ALLC: variants seen among roughly 807,000 people sequenced by gnomAD.
The protein encoded by ALLC is probable inactive allantoicase.
In ALLC, 40 loss-of-function variants were observed where a neutral mutation model predicts 45.0. The ratio of observed to expected loss-of-function variants is 0.89; its 90% CI spans 0.69 to 1.16. The LOEUF is 1.16. Ranked by LOEUF, ALLC falls within the 50% of genes most tolerant of loss-of-function variation. The pLI, the probability that ALLC is intolerant of heterozygous loss-of-function variation, is 0.00. For missense variants in ALLC, 488 were observed against 493.1 expected (o/e 0.99, Z 0.10); for synonymous variants, 176 against 178.1 (o/e 0.99, Z 0.09).
chr2:3,683,759 A>G (rs778407018), intron 7 of ALLC, among the ~76,000 whole-genome samples: 13 of 152,234 alleles, frequency 8.5e-5, no homozygotes, highest in Non-Finnish European at 1.6e-4. Context: ...ATATAGGTTG[A>G]GCATCTCAAA....
intron 3 of ALLC, among the ~76,000 whole-genome samples, chr2:3,676,059 G>A (rs1323538423): frequency 6.6e-6 from 1 of 152,216 alleles, no homozygotes; most frequent in Non-Finnish European, 1.5e-5. Flanking sequence ...CCACCCTTGT[G>A]ACCTAATCAC....
the ALLC span, among the ~76,000 whole-genome samples, chr2:3,652,271 A>G: frequency 9.2e-5 from 14 of 152,140 alleles, no homozygotes; most frequent in Admixed American, 9.2e-4. Context: ...CTGTGTTTGC[A>G]TTTCACTAGC....
intron 7 of ALLC, 109 bp from the exon 8 acceptor site, chr2:3,695,608 G>A: frequency 7.6e-7 from 1 of 1,321,130 alleles, no homozygotes; most frequent in South Asian, 1.3e-5. Flanking sequence ...GGTGGGTGTG[G>A]CCAAAGCCTA....
chr2:3,647,547 C>T, the ALLC span, among the ~76,000 whole-genome samples: 1 of 150,212 alleles, frequency 6.7e-6, no homozygotes, highest in Non-Finnish European at 1.5e-5. Flanking sequence ...TCCTGATGCC[C>T]CTGGGGGTCG....
rs1181905811 is a variant in ALLC, at chr2:3,680,617, T to C, written c.298+623T>C. Reference sequence around the variant, plus strand: ...GTAACGGGTATTTTATTGGGGGAACTTACGGACAGAAGCGTGGCCTTGGGC... The same window carrying C: ...GTAACGGGTATTTTATTGGGGGAACCTACGGACAGAAGCGTGGCCTTGGGC... On this transcript the variant is annotated intron_variant, in intron 5 of 11. Coordinates refer to ENST00000252505, the MANE Select transcript of ALLC (RefSeq NM_018436.4). This position sits in a 1 kb window ranked among gnomAD's most constrained non-coding sequence, Gnocchi z 4.0. Among the ~76,000 whole-genome samples the C allele has an allele frequency of 6.6e-6, 1 of 152,142 alleles. No individual in the cohort carries two copies. The highest frequency in any genetic ancestry group is 1.5e-5 in the Non-Finnish European group (1 of 68,020).
In ALLC at chr2:3,679,858, G is replaced by C. The variant is rs555524243; in HGVS notation, c.173-11G>C. 3.1e-6 allele frequency: 5 copies of C among 1,613,800 alleles called. No homozygotes were observed. The East Asian group carries it at 8.9e-5, about 29-fold the overall frequency. On this transcript the variant is annotated splice_polypyrimidine_tract_variant and intron_variant, in intron 4 of 11. Coordinates refer to ENST00000252505, the MANE Select transcript of ALLC (RefSeq NM_018436.4). ...CCTAACGAGACTGCTCTTGTCCTCT[G>C]TGTTGCGCAGGTCACGACTGGTGTG... is the stretch of plus-strand genomic sequence containing the variant.
intron 6 of ALLC, 106 bp from the exon 7 acceptor site, chr2:3,682,836 T>C: frequency 7.9e-7 from 1 of 1,266,356 alleles, no homozygotes; most frequent in Non-Finnish European, 1.1e-6. Context: ...CCATCATTAA[T>C]TTTTATTCCA....
upstream of ALLC, among the ~76,000 whole-genome samples, chr2:3,657,925 AC>A (rs1336209768): frequency 2.6e-5 from 4 of 152,166 alleles, no homozygotes; most frequent in African/African-American, 9.7e-5. Flanking sequence ...TAGAGATAAA[AC>A]TTTAAGTCAG....
chr2:3,652,413 A>G, the ALLC span, among the ~76,000 whole-genome samples: 1 of 152,330 alleles, frequency 6.6e-6, no homozygotes, highest in Non-Finnish European at 1.5e-5. Context: ...ACAATTCTAC[A>G]TGGAAGCTTT....
chr2:3,678,597 C>A, intron 4 of ALLC, 42 bp downstream of exon 4: 1 of 1,554,408 alleles, frequency 6.4e-7, no homozygotes. Context: ...GCTGACACTG[C>A]AAAGTTAAAA....
chr2:3,648,011 T>C, the ALLC span, among the ~76,000 whole-genome samples: 1 of 152,244 alleles, frequency 6.6e-6, no homozygotes, highest in East Asian at 1.9e-4. Context: ...GAGACCAGGC[T>C]CTGCTGATGA....
At chr2:3,651,298 G>GAT in the ALLC span, among the ~76,000 whole-genome samples, 340 of 1,040 alleles carry the variant, frequency 0.33, 94 homozygotes, top group African/African-American at 0.36. Flanking sequence ...AATTCTTTTT[G>GAT]GGTGGGTGGG....
At chr2:3,649,977 C>G in the ALLC span, among the ~76,000 whole-genome samples, 1 of 152,268 alleles carries the variant, frequency 6.6e-6, no homozygotes, top group Non-Finnish European at 1.5e-5. Context: ...TACAGCTGTT[C>G]AGCAGCGTCT....
intron 1 of ALLC, among the ~76,000 whole-genome samples, chr2:3,665,187 A>T (rs1003460197): frequency 1.1e-4 from 17 of 152,266 alleles, no homozygotes; most frequent in African/African-American, 3.6e-4. Context: ...TGTAGATGGC[A>T]TCGCTACACT....
intron 7 of ALLC, among the ~76,000 whole-genome samples, chr2:3,692,618 C>G (rs924882974): frequency 6.6e-6 from 1 of 152,222 alleles, no homozygotes; most frequent in Non-Finnish European, 1.5e-5. Context: ...TACTGCCCAT[C>G]AGAATAGGGG....
intron 4 of ALLC, 135 bp from the exon 5 acceptor site, chr2:3,679,734 G>T: frequency 1.7e-6 from 2 of 1,206,368 alleles, no homozygotes; most frequent in South Asian, 2.7e-5. Flanking sequence ...GCTAAGAACC[G>T]CCCTGAACAG....
At chr2:3,656,964 C>G (rs1160619621), upstream of ALLC, among the ~76,000 whole-genome samples, 1 of 152,188 alleles carries the variant, frequency 6.6e-6, no homozygotes, top group Non-Finnish European at 1.5e-5. Context: ...TGTGACTGAT[C>G]CGAGGCGGCG....
intron 2 of ALLC, 81 bp downstream of exon 2, chr2:3,671,271 G>T (rs201176267): frequency 6.7e-7 from 1 of 1,499,750 alleles, no homozygotes; most frequent in Non-Finnish European, 9.1e-7. Context: ...AGAACCTCAT[G>T]CAAGAATCAA....
Position 3,702,426 on chromosome 2 carries a change from C to T in ALLC, c.1039C>T (p.His347Tyr), listed in dbSNP as rs528768219. The change falls in exon 12 of 12, where the codon CAC becomes TAC. Residue 347 changes from histidine to tyrosine, a missense_variant. By Grantham distance (83) the His-to-Tyr change is moderately conservative. Coordinates refer to ENST00000252505, the MANE Select transcript of ALLC (RefSeq NM_018436.4). ...LTLELQDVIT[H>Y]ARLTIVPDGG... is the part of the protein sequence containing the mutation. ...CCTAGAGCTCCAAGATGTCATCACT[C>T]ACGCCAGGCTCACCATCGTCCCCGA... 6.2e-7 allele frequency: 1 copy of T among 1,613,168 alleles called. No individual in the cohort carries two copies. Among genetic ancestry groups the T allele is most frequent in the African/African-American group, 1.3e-5 (1 of 75,036 alleles).
Sources: allele counts gnomAD v4.1 joint callset (sites outside exome capture counted in the v4.1 genomes callset), GRCh38; gene constraint gnomAD v4.1.1; non-coding constraint Gnocchi (gnomAD v3.1); transcripts MANE v1.5; gene names NCBI Gene and HGNC (gene_info 2026-07-23, HGNC 2026-07-21).